Variants in TEC observed in about 807,000 individuals in gnomAD.
The protein encoded by TEC is tec protein tyrosine kinase, also known as tyrosine-protein kinase Tec.
A neutral mutation model predicts 93.0 loss-of-function variants in TEC; 72 were observed. That is an observed-to-expected ratio of 0.77 (90% CI 0.64 to 0.94). The LOEUF (loss-of-function observed/expected upper bound fraction) is 0.94. Among genes scored for constraint, TEC ranks in the 40% least tolerant of loss-of-function variants. The pLI is 0.00. For synonymous variants in TEC, 249 were observed against 247.7 expected (o/e 1.01, Z -0.05); for missense variants, 630 against 757.9 (o/e 0.83, Z 1.98).
At chr4:48,181,992 T>C (rs1314554187) in intron 2 of TEC, among the ~76,000 whole-genome samples, 2 of 152,144 alleles carry the variant, frequency 1.3e-5, no homozygotes, top group Non-Finnish European at 2.9e-5. Flanking sequence ...ATTGTTAATA[T>C]TGTGGCCCAT....
intron 1 of TEC, among the ~76,000 whole-genome samples, chr4:48,236,406 C>G (rs1036198913): frequency 6.6e-6 from 1 of 151,788 alleles, no homozygotes; most frequent in Non-Finnish European, 1.5e-5. Flanking sequence ...CTCAGCCTCC[C>G]GAGTAGCTGG....
At chr4:48,182,109 C>A (rs910093325) in intron 2 of TEC, among the ~76,000 whole-genome samples, 2 of 151,872 alleles carry the variant, frequency 1.3e-5, no homozygotes, top group Non-Finnish European at 2.9e-5. Flanking sequence ...ATGGGAAAAC[C>A]CCATCTCTAC....
At chr4:48,173,410 A>C (rs999172150) in intron 3 of TEC, among the ~76,000 whole-genome samples, 2 of 147,948 alleles carry the variant, frequency 1.4e-5, no homozygotes, top group Non-Finnish European at 3.0e-5. Flanking sequence ...GTTTCTAGGA[A>C]TAGCACCCTG....
At chr4:48,162,716 G>A (rs988725690) in intron 8 of TEC, among the ~76,000 whole-genome samples, 3 of 152,164 alleles carry the variant, frequency 2.0e-5, no homozygotes, top group African/African-American at 7.2e-5. Flanking sequence ...TAGATGTTAA[G>A]GTACACTTAT....
chr4:48,210,495 A>AACGGAGG (rs1577640080), intron 2 of TEC, among the ~76,000 whole-genome samples: 1 of 87,018 alleles, frequency 1.1e-5, no homozygotes, highest in East Asian at 4.1e-4. Context: ...TATAAAAAAA[A>AACGGAGG]TGGAGGAGGA....
chr4:48,235,593 G>C (rs996005247), intron 1 of TEC, among the ~76,000 whole-genome samples: 15 of 152,248 alleles, frequency 9.9e-5, no homozygotes, highest in Non-Finnish European at 1.9e-4. Flanking sequence ...GACCAAAATG[G>C]GGGAGGAGGC....
intron 8 of TEC, among the ~76,000 whole-genome samples, chr4:48,158,088 C>T (rs1349398002): frequency 1.3e-5 from 2 of 152,200 alleles, no homozygotes; most frequent in African/African-American, 4.8e-5. Flanking sequence ...CTCCTCTGGA[C>T]ATTTAAATTT....
intron 2 of TEC, among the ~76,000 whole-genome samples, chr4:48,209,649 T>C (rs780867831): frequency 6.6e-6 from 1 of 152,174 alleles, no homozygotes; most frequent in Non-Finnish European, 1.5e-5. Context: ...AGCTTGATGA[T>C]ATATTAACAA....
chr4:48,231,580 C>T (rs1159271497), intron 1 of TEC, among the ~76,000 whole-genome samples: 2 of 152,030 alleles, frequency 1.3e-5, no homozygotes, highest in East Asian at 3.9e-4. Flanking sequence ...CACGGTGAAA[C>T]CCCGTCTCTA....
chr4:48,149,731 A>C (rs757374222), intron 10 of TEC, 41 bp from the exon 11 acceptor site: 18 of 1,561,628 alleles, frequency 1.2e-5, no homozygotes, highest in Admixed American at 2.0e-5. Context: ...AAGTTGAAAT[A>C]ATAGAACTTC....
At chr4:48,239,721 CA>C (rs1189790454) in intron 1 of TEC, among the ~76,000 whole-genome samples, 2 of 151,772 alleles carry the variant, frequency 1.3e-5, no homozygotes, top group East Asian at 3.9e-4. Context: ...GTCATTAGTA[CA>C]TTCAATTTTT....
At chr4:48,197,901 A>C (rs1248843927) in intron 2 of TEC, among the ~76,000 whole-genome samples, 3 of 152,144 alleles carry the variant, frequency 2.0e-5, no homozygotes, top group African/African-American at 4.8e-5. Context: ...CACTTTATCG[A>C]AGCTTCCCTT....
chr4:48,157,292 T>G (rs1002744753), intron 8 of TEC, among the ~76,000 whole-genome samples: 22 of 152,130 alleles, frequency 1.4e-4, no homozygotes, highest in African/African-American at 5.1e-4. Flanking sequence ...TAATGGAGGC[T>G]CCCTCAATGA....
intron 3 of TEC, among the ~76,000 whole-genome samples, chr4:48,173,137 A>G (rs1319351365): frequency 6.6e-6 from 1 of 152,126 alleles, no homozygotes; most frequent in Non-Finnish European, 1.5e-5. Flanking sequence ...GTTAAGTCAT[A>G]TGAGTAGGAT....
At chr4:48,193,323 A>G (rs1322927633) in intron 2 of TEC, among the ~76,000 whole-genome samples, 1 of 151,744 alleles carries the variant, frequency 6.6e-6, no homozygotes, top group Non-Finnish European at 1.5e-5. Context: ...CATATTTTTT[A>G]TCTTCTATCT....
At chr4:48,210,375 C>T (rs967795356) in intron 2 of TEC, among the ~76,000 whole-genome samples, 1 of 151,808 alleles carries the variant, frequency 6.6e-6, no homozygotes, top group Non-Finnish European at 1.5e-5. Context: ...CATCCTGGTC[C>T]TTAGGAGGCC....
intron 2 of TEC, among the ~76,000 whole-genome samples, chr4:48,185,021 G>A (rs1357520914): frequency 2.0e-5 from 3 of 151,004 alleles, no homozygotes; most frequent in Non-Finnish European, 4.4e-5. Context: ...GCAAAGCACA[G>A]ATATCAAAGT....
intron 3 of TEC, among the ~76,000 whole-genome samples, chr4:48,171,740 T>C (rs1325898566): frequency 6.6e-6 from 1 of 152,228 alleles, no homozygotes; most frequent in Non-Finnish European, 1.5e-5. Context: ...TTAACTAAAC[T>C]GTAACAGAGA....
At chr4:48,183,060 G>A (rs779961326) in intron 2 of TEC, among the ~76,000 whole-genome samples, 1 of 152,166 alleles carries the variant, frequency 6.6e-6, no homozygotes, top group Admixed American at 6.5e-5. Context: ...TTGTGGCAGA[G>A]GAAATCTCCT....
Sources: allele counts gnomAD v4.1 joint callset (sites outside exome capture counted in the v4.1 genomes callset), GRCh38; gene constraint gnomAD v4.1.1; transcripts MANE v1.5; gene names NCBI Gene and HGNC (gene_info 2026-07-23, HGNC 2026-07-21).